Variants in KCTD8 observed in about 807,000 individuals in gnomAD.
The protein encoded by KCTD8 is BTB/POZ domain-containing protein KCTD8.
In KCTD8, 27 loss-of-function variants were observed where a neutral mutation model predicts 31.5. That is an observed-to-expected ratio of 0.86 (90% confidence interval 0.63 to 1.18). The LOEUF is 1.18. Ranked by LOEUF, KCTD8 falls within the 50% of genes most tolerant of loss-of-function variation. The probability of loss-of-function intolerance (pLI) is 0.00; values close to 1 mark genes in which losing one functional copy is unlikely to be tolerated. For missense variants in KCTD8, 658 were observed against 647.7 expected, an observed-to-expected ratio of 1.02 and a Z score of -0.17; for synonymous variants, 290 against 280.0, an observed-to-expected ratio of 1.04 and a Z score of -0.36.
chr4:44,225,840 A>G (rs1430497182), intron 1 of KCTD8, among the ~76,000 whole-genome samples: 14 of 96,440 alleles, frequency 1.5e-4, no homozygotes, highest in Non-Finnish European at 2.1e-4. Context: ...TTTTTTTTCG[A>G]GATGGAGTCT....
intron 1 of KCTD8, among the ~76,000 whole-genome samples, chr4:44,312,501 C>A (rs1717984285): frequency 6.6e-6 from 1 of 151,144 alleles, no homozygotes; most frequent in African/African-American, 2.5e-5. Context: ...TATTCAAGCA[C>A]TAAAATCTGA....
At chr4:44,378,684 TAG>T (rs1355962361) in intron 1 of KCTD8, among the ~76,000 whole-genome samples, 1 of 152,148 alleles carries the variant, frequency 6.6e-6, no homozygotes, top group African/African-American at 2.4e-5. Context: ...TGAGTTATAT[TAG>T]AGTGTAGCTA....
chr4:44,372,281 A>G (rs1719807131), intron 1 of KCTD8, among the ~76,000 whole-genome samples: 1 of 152,206 alleles, frequency 6.6e-6, no homozygotes, highest in African/African-American at 2.4e-5. Context: ...CACTCACTCT[A>G]TCAGACTAAT....
chr4:44,270,438 G>A (rs1161047671), intron 1 of KCTD8, among the ~76,000 whole-genome samples: 1 of 151,474 alleles, frequency 6.6e-6, no homozygotes, highest in Non-Finnish European at 1.5e-5. Context: ...TATACCTAAT[G>A]CTAAATGATG....
At chr4:44,269,377 A>G (rs1434504156) in intron 1 of KCTD8, among the ~76,000 whole-genome samples, 1 of 151,764 alleles carries the variant, frequency 6.6e-6, no homozygotes, top group East Asian at 1.9e-4. Flanking sequence ...TATACCTTAT[A>G]CAAAAATTAA....
chr4:44,216,549 G>T (rs2109345947), intron 1 of KCTD8, among the ~76,000 whole-genome samples: 1 of 152,274 alleles, frequency 6.6e-6, no homozygotes, highest in Middle Eastern at 3.4e-3. Context: ...ATATAGGGTA[G>T]TGTCTGGGGC....
intron 1 of KCTD8, among the ~76,000 whole-genome samples, chr4:44,213,700 A>G (rs1714561193): frequency 6.6e-6 from 1 of 152,128 alleles, no homozygotes; most frequent in Non-Finnish European, 1.5e-5. Context: ...TATCCCTCGA[A>G]TATCTAAGCA....
chr4:44,250,112 T>C (rs1431778667), intron 1 of KCTD8, among the ~76,000 whole-genome samples: 1 of 151,816 alleles, frequency 6.6e-6, no homozygotes, highest in African/African-American at 2.4e-5. Flanking sequence ...TGTATACTTG[T>C]GAAAATGCAC....
chr4:44,352,143 T>C (rs1296391138), intron 1 of KCTD8, among the ~76,000 whole-genome samples: 1 of 152,040 alleles, frequency 6.6e-6, no homozygotes, highest in Non-Finnish European at 1.5e-5. Flanking sequence ...TTAAAATGAT[T>C]CCAGTTTACC....
At chr4:44,427,826 C>T (rs1225773081) in intron 1 of KCTD8, among the ~76,000 whole-genome samples, 1 of 151,578 alleles carries the variant, frequency 6.6e-6, no homozygotes, top group South Asian at 2.1e-4. Context: ...ATTAAATAGA[C>T]AAAAATAGTT....
At chr4:44,264,261 A>AC in intron 1 of KCTD8, among the ~76,000 whole-genome samples, 1 of 152,324 alleles carries the variant, frequency 6.6e-6, no homozygotes, top group African/African-American at 2.4e-5. Context: ...TCTTTATAGA[A>AC]TTTTTTAAAA....
chr4:44,355,329 A>T (rs1224621697), intron 1 of KCTD8, among the ~76,000 whole-genome samples: 1 of 152,076 alleles, frequency 6.6e-6, no homozygotes, highest in Non-Finnish European at 1.5e-5. Flanking sequence ...TGCAGTGATA[A>T]GGTCATTTTT....
chr4:44,278,801 C>T (rs1716820005), intron 1 of KCTD8, among the ~76,000 whole-genome samples: 1 of 152,040 alleles, frequency 6.6e-6, no homozygotes, highest in African/African-American at 2.4e-5. Flanking sequence ...AAGAGTTGAA[C>T]TCCCAGTCTC....
chr4:44,407,889 A>C (rs572753930), intron 1 of KCTD8, among the ~76,000 whole-genome samples: 2 of 152,262 alleles, frequency 1.3e-5, no homozygotes, highest in South Asian at 4.1e-4. Flanking sequence ...CAAACAACCT[A>C]CATCTCTTAT....
chr4:44,250,350 G>T (rs538920144), intron 1 of KCTD8, among the ~76,000 whole-genome samples: 66 of 151,844 alleles, frequency 4.3e-4, no homozygotes, highest in African/African-American at 1.6e-3. Context: ...AAATCCCATT[G>T]TTGTTTTAAT....
chr4:44,442,625 G>T (rs1329018453), intron 1 of KCTD8, among the ~76,000 whole-genome samples: 1 of 151,932 alleles, frequency 6.6e-6, no homozygotes, highest in Non-Finnish European at 1.5e-5. Flanking sequence ...ACTATAAAAA[G>T]GGTGACTTTT....
chr4:44,349,059 ATCGCTGCCACCG>A (rs1046437315), intron 1 of KCTD8, among the ~76,000 whole-genome samples: 3 of 146,052 alleles, frequency 2.1e-5, no homozygotes, highest in African/African-American at 2.5e-5. Flanking sequence ...TAGCACCACC[ATCGCTGCCACCG>A]CCACCACCAC....
intron 1 of KCTD8, among the ~76,000 whole-genome samples, chr4:44,381,270 T>G (rs1478493928): frequency 6.6e-6 from 1 of 152,080 alleles, no homozygotes; most frequent in Non-Finnish European, 1.5e-5. Context: ...ATCTCCAATT[T>G]ACAAAACCTC....
intron 1 of KCTD8, among the ~76,000 whole-genome samples, chr4:44,183,003 C>CA (rs1713474127): frequency 6.6e-6 from 1 of 152,160 alleles, no homozygotes; most frequent in South Asian, 2.1e-4. Context: ...TATCCATGTG[C>CA]TAATTGGCCA....
Sources: allele counts gnomAD v4.1 joint callset (sites outside exome capture counted in the v4.1 genomes callset), GRCh38; gene constraint gnomAD v4.1.1; transcripts MANE v1.5; gene names NCBI Gene and HGNC (gene_info 2026-07-23, HGNC 2026-07-21).